Variants in TMC5 observed in about 807,000 individuals in gnomAD.
The protein encoded by TMC5 is transmembrane channel like 5.
In TMC5, 86 loss-of-function variants were observed where a neutral mutation model predicts 110.5. The observed-to-expected ratio is 0.78, with a 90% CI of 0.65 to 0.93. The LOEUF (loss-of-function observed/expected upper bound fraction) is 0.93, where lower values mean the gene tolerates loss of function less well. TMC5 is among the 40% of genes least tolerant of loss of function. The pLI, the probability that TMC5 is intolerant of heterozygous loss-of-function variation, is 0.00. For synonymous variants in TMC5, 455 were observed against 439.5 expected (o/e 1.04, Z -0.44); for missense variants, 1,144 against 1,222.8 (o/e 0.94, Z 0.96).
chr16:19,488,180 C>T (rs1197105144), intron 17 of TMC5, among the ~76,000 whole-genome samples: 1 of 152,230 alleles, frequency 6.6e-6, no homozygotes, highest in Non-Finnish European at 1.5e-5. Flanking sequence ...GGAAGGGCAG[C>T]TAGCCCTGGG....
chr16:19,443,023 C>T (rs1480332308), intron 3 of TMC5, among the ~76,000 whole-genome samples: 5 of 152,276 alleles, frequency 3.3e-5, no homozygotes, highest in East Asian at 3.9e-4. Flanking sequence ...AATAAGGATA[C>T]GTCGTGTTAA....
intron 18 of TMC5, among the ~76,000 whole-genome samples, chr16:19,491,781 C>T (rs564480420): frequency 1.3e-5 from 2 of 152,244 alleles, no homozygotes; most frequent in Middle Eastern, 3.4e-3. Context: ...AAGTGATCCG[C>T]CCGCCTTGGC....
Position 19,485,112 on chromosome 16 carries a change from C to CTTT in TMC5, c.2364-1818_2364-1816dup, listed in dbSNP as rs35687638. On this transcript the variant is annotated intron_variant, in intron 15 of 21. Transcript: ENST00000542583. Reference sequence around the variant, plus strand: ...CTACTTAATTTTTTTTATTATTTGCCTTTTTTTTTTTTTTTTTACTCAAAT... The same window carrying CTTT: ...CTACTTAATTTTTTTTATTATTTGCCTTTTTTTTTTTTTTTTTTTTACTCAAAT... Among the ~76,000 whole-genome samples, 3 of 127,300 alleles carry CTTT rather than the reference C, an allele frequency of 2.4e-5. No individual in the cohort carries two copies. The South Asian group carries it at 7.5e-4, about 32-fold the overall frequency. The allele number at this position is 127,300 out of a possible 152,430, so 83.5% of individuals were successfully genotyped here.
At chr16:19,430,860 AT>A (rs3049240) in intron 2 of TMC5, among the ~76,000 whole-genome samples, 94 of 131,272 alleles carry the variant, frequency 7.2e-4, no homozygotes, top group Admixed American at 1.2e-3. Context: ...AATAAAAACA[AT>A]TTTTTTTTTT....
chr16:19,413,252 G>T (rs974744564), upstream of TMC5, among the ~76,000 whole-genome samples: 2 of 151,944 alleles, frequency 1.3e-5, no homozygotes, highest in Non-Finnish European at 1.5e-5. Context: ...GGCTGGGCAT[G>T]GTTACTCAAG....
chr16:19,425,562 C>A (rs910561595), intron 1 of TMC5, among the ~76,000 whole-genome samples: 2 of 152,152 alleles, frequency 1.3e-5, no homozygotes, highest in African/African-American at 4.8e-5. Flanking sequence ...ATAATTTGGA[C>A]CGACTGCTTT....
rs35472194 is a variant in TMC5, at chr16:19,425,327, C to CTT, written c.-307-5068_-307-5067dup. 1.8e-4 allele frequency among the ~76,000 whole-genome samples: 23 copies of CTT among 124,548 alleles called. 1 individual carries two copies. Among genetic ancestry groups the CTT allele is most frequent in the East Asian group, 4.7e-4 (2 of 4,230 alleles). The allele number at this position is 124,548 out of a possible 152,430, so 81.7% of individuals were successfully genotyped here. A position where few individuals can be genotyped will look rare whatever the true frequency, so the allele number is the denominator to read the frequency against. Reference sequence around the variant, plus strand: ...CATTGGTCCAGGTGAGTTGAGTTTGCTTTTTTTTTTTTTTTTTTTCCTGTG... The same window carrying CTT: ...CATTGGTCCAGGTGAGTTGAGTTTGCTTTTTTTTTTTTTTTTTTTTTCCTGTG... On this transcript the variant is annotated intron_variant, in intron 1 of 21. Coordinates refer to ENST00000542583, the MANE Select transcript of TMC5 (RefSeq NM_001261841.2).
At chr16:19,439,172 ATATGT>A (rs1302224853) in intron 2 of TMC5, among the ~76,000 whole-genome samples, 4 of 152,214 alleles carry the variant, frequency 2.6e-5, no homozygotes, top group Non-Finnish European at 5.9e-5. Context: ...CAAACTTAAA[ATATGT>A]TAGGAGGTAG....
At chr16:19,431,665 G>T (rs1383846499) in intron 2 of TMC5, among the ~76,000 whole-genome samples, 1 of 151,902 alleles carries the variant, frequency 6.6e-6, no homozygotes, top group Non-Finnish European at 1.5e-5. Context: ...TTGCTGTTTT[G>T]TAAGGCCCTG....
In TMC5 at chr16:19,472,600, T is replaced by A. The variant is rs1294139927; in HGVS notation, c.1938+357T>A. 2.6e-5 allele frequency among the ~76,000 whole-genome samples: 4 copies of A among 152,330 alleles called. No individual in the cohort carries two copies. The South Asian group carries it at 8.3e-4, about 32-fold the overall frequency. On this transcript the variant is annotated intron_variant, in intron 11 of 21. Coordinates refer to ENST00000542583, the MANE Select transcript of TMC5 (RefSeq NM_001261841.2). ...ATTGGTGACTACAGTTTCACATGAA[T>A]GGAGCTCAGCTGTGTCGTTTCACAG...
chr16:19,474,193 G>A lies in TMC5; in HGVS notation c.2007G>A (p.Leu669=). 1 of 1,614,038 alleles carries A rather than the reference G, an allele frequency of 6.2e-7. No individual in the cohort carries two copies. Among genetic ancestry groups the A allele is most frequent in the Non-Finnish European group, 8.5e-7 (1 of 1,180,010 alleles). The part of the protein sequence containing the change: ...LLPFVVSCIN[L]AVPCIYSMFR... ...CTTTCGTTGTGTCCTGCATTAATCT[G>A]GCCGTGCCATGCATCTACTCCATGT... is the stretch of plus-strand genomic sequence containing the variant. Residue 669 remains leucine (L), a synonymous_variant, in exon 12 of 22, where the codon CTG becomes CTA. Transcript: ENST00000542583.
At position 19,449,641 on chromosome 16, in the gene TMC5, A is replaced by G. The variant is rs1208947709; in HGVS notation, c.1048+10A>G. 7 of 1,612,988 alleles carry G rather than the reference A, an allele frequency of 4.3e-6. No homozygotes were observed. On this transcript the variant is annotated intron_variant, in intron 5 of 21. Coordinates refer to ENST00000542583, the MANE Select transcript of TMC5 (RefSeq NM_001261841.2). ...CACAAGTCACCCCAAGGTAAGTGAT[A>G]TGGTTTGGCTCTGTGTCCCCACCCA...
chr16:19,484,486 G>C (rs1377136390), intron 15 of TMC5, among the ~76,000 whole-genome samples: 5 of 152,160 alleles, frequency 3.3e-5, no homozygotes, highest in African/African-American at 1.2e-4. Context: ...GATTAAATAG[G>C]CATGGTGGCT....
intron 5 of TMC5, among the ~76,000 whole-genome samples, chr16:19,458,385 G>C (rs1246539810): frequency 1.3e-5 from 2 of 151,740 alleles, no homozygotes; most frequent in Non-Finnish European, 2.9e-5. Flanking sequence ...TAATTTTTTT[G>C]TATTTTTAGT....
At chr16:19,489,331 T>TTTTTTTA (rs1379084364) in intron 17 of TMC5, among the ~76,000 whole-genome samples, 1 of 152,022 alleles carries the variant, frequency 6.6e-6, no homozygotes, top group Admixed American at 6.6e-5. Flanking sequence ...TGGCTAATTA[T>TTTTTTTA]TTTTTTATTT....
chr16:19,417,645 A>C (rs1469460625), upstream of TMC5: 4 of 152,206 alleles, frequency 2.6e-5, no homozygotes, highest in Non-Finnish European at 2.9e-5. Flanking sequence ...CTGATAACAA[A>C]AGAATATTAA....
chr16:19,474,912 G>C (rs540097555), intron 12 of TMC5: 2 of 152,298 alleles, frequency 1.3e-5, no homozygotes, highest in East Asian at 3.9e-4. Context: ...CGGGAGGAAG[G>C]GCCCATTTTT....
At chr16:19,446,736 TACAA>T (rs1205929542) in intron 4 of TMC5, among the ~76,000 whole-genome samples, 1 of 152,162 alleles carries the variant, frequency 6.6e-6, no homozygotes, top group Non-Finnish European at 1.5e-5. Context: ...TCAGGGCAAA[TACAA>T]ACAGATTCCT....
chr16:19,465,107 TCCTTCCTCCCTCCCTC>T (rs202065679), intron 8 of TMC5, among the ~76,000 whole-genome samples: 33,575 of 81,762 alleles, frequency 0.41, 6,325 homozygotes, highest in Non-Finnish European at 0.5. Flanking sequence ...CTTCCTTCCT[TCCTTCCTCCCTCCCTC>T]CCTCCCTCCC....
Sources: gnomAD v4.1 joint callset for allele counts (sites outside exome capture counted in the v4.1 genomes callset) on GRCh38, gnomAD v4.1.1 for gene constraint, MANE v1.5 for transcripts, NCBI Gene and HGNC (gene_info 2026-07-23, HGNC 2026-07-21) for gene names.